The following DGKI variants were observed in gnomAD, a reference collection of about 807,000 sequenced individuals.
The protein encoded by DGKI is diacylglycerol kinase iota.
Under a neutral mutation model 147.5 loss-of-function variants are expected in DGKI, and 55 were observed. That is an observed-to-expected ratio of 0.37 (90% CI 0.30 to 0.47). DGKI has a LOEUF of 0.47. Among genes scored for constraint, DGKI ranks in the 20% least tolerant of loss-of-function variants. The probability of loss-of-function intolerance (pLI) is 1.00; values close to 1 mark genes in which losing one functional copy is unlikely to be tolerated. For synonymous variants in DGKI, 469 were observed against 477.1 expected (o/e 0.98, Z 0.22); for missense variants, 1,007 against 1,323.8 (o/e 0.76, Z 3.71).
intron 12 of DGKI, among the ~76,000 whole-genome samples, chr7:137,596,986 T>C (rs550307442): frequency 8.1e-4 from 124 of 152,320 alleles, no homozygotes; most frequent in African/African-American, 2.9e-3. Flanking sequence ...ACAATCTAAA[T>C]GTCATGATTC....
chr7:137,393,643 C>G (rs1211814423), intron 32 of DGKI, among the ~76,000 whole-genome samples: 2 of 152,210 alleles, frequency 1.3e-5, no homozygotes, highest in Admixed American at 1.3e-4. Context: ...ACCACAATTA[C>G]TTTTACACCA....
At chr7:137,623,208 A>C (rs915125185) in intron 7 of DGKI, among the ~76,000 whole-genome samples, 1 of 152,212 alleles carries the variant, frequency 6.6e-6, no homozygotes, top group African/African-American at 2.4e-5. Context: ...CTCTAGACCC[A>C]GTGTTAGAAT....
chr7:137,508,740 T>A (rs1342218924), intron 21 of DGKI, among the ~76,000 whole-genome samples: 1 of 152,012 alleles, frequency 6.6e-6, no homozygotes, highest in Non-Finnish European at 1.5e-5. Context: ...AGAGCCCCTC[T>A]CTCTCAGGCT....
chr7:137,846,323 G>A lies in DGKI; in HGVS notation c.401+139C>T, dbSNP rs1798727482. 1.9e-6 allele frequency: 1 copy of A among 520,106 alleles called. No homozygotes were observed. The highest frequency in any genetic ancestry group is 3.3e-6 in the Non-Finnish European group (1 of 298,872). 32.2% of individuals were successfully genotyped at this position (520,106 alleles called of 1,614,324 possible). A position where few individuals can be genotyped will look rare whatever the true frequency, so the allele number is the denominator to read the frequency against. The stretch of plus-strand genomic sequence containing the variant: ...GGATGGGGAGAAGACAGACATCCCC[G>A]GGAGGAGAGGGGGAAAGGGGGAAGG... On this transcript the variant is annotated intron_variant, in intron 1 of 32. Transcript: ENST00000614521. The surrounding 1 kb of genome is among the most constrained non-coding windows in gnomAD (Gnocchi z 4.0).
Position 137,395,603 on chromosome 7 carries a change from A to C in DGKI, c.3052T>G (p.Ser1018Ala), listed in dbSNP as rs1363800743. 1.2e-6 allele frequency: 2 copies of C among 1,614,060 alleles called. No individual in the cohort carries two copies. Among genetic ancestry groups the C allele is most frequent in the Admixed American group, 1.7e-5 (1 of 60,032 alleles). ...DAGASLRKTDSKGKTPQERAQ... is the reference protein window; with the variant it reads ...DAGASLRKTDAKGKTPQERAQ... ...GCACTCACTCATCGAGTTACCTTGG[A>C]GTCCGTCTTTCTCAGAGATGCTCCT... Residue 1018 changes from serine to alanine, a missense_variant, in exon 32 of 33, where the codon TCC (serine) becomes GCC (alanine). Physicochemically the swap from Ser to Ala is moderately conservative, Grantham distance 99. Transcript: ENST00000614521.
chr7:137,722,537 TTCC>T, intron 1 of DGKI: 1 of 1,607,248 alleles, frequency 6.2e-7, no homozygotes, highest in East Asian at 2.2e-5. Flanking sequence ...CTCAATCGAG[TTCC>T]TCTACGAAGA....
At chr7:137,811,384 TCACACACACACACA>T (rs55647700) in intron 1 of DGKI, among the ~76,000 whole-genome samples, 7 of 132,204 alleles carry the variant, frequency 5.3e-5, no homozygotes, top group Admixed American at 2.3e-4. Flanking sequence ...TCTCTCTCTC[TCACACACACACACA>T]CACACACACA....
chr7:137,845,850 C>T (rs1585563958), intron 1 of DGKI, among the ~76,000 whole-genome samples: 2 of 152,124 alleles, frequency 1.3e-5, no homozygotes, highest in Non-Finnish European at 2.9e-5. Flanking sequence ...AGGCATGGAG[C>T]CCCCATAACC....
intron 6 of DGKI, among the ~76,000 whole-genome samples, chr7:137,626,835 AC>A (rs1820961317): frequency 6.6e-6 from 1 of 151,374 alleles, no homozygotes; most frequent in Non-Finnish European, 1.5e-5. Context: ...TTTATTCCTC[AC>A]TCTATCCTGG....
intron 2 of DGKI, among the ~76,000 whole-genome samples, chr7:137,680,516 A>T (rs902706569): frequency 7.9e-5 from 12 of 152,184 alleles, no homozygotes; most frequent in African/African-American, 2.9e-4. Flanking sequence ...GCAGTGGCTC[A>T]TGCCTGTAAT....
intron 15 of DGKI, among the ~76,000 whole-genome samples, chr7:137,579,436 TA>T (rs71533758): frequency 0.023 from 2,476 of 108,066 alleles, 19 homozygotes; most frequent in Non-Finnish European, 0.03. Context: ...ACAGAAACAG[TA>T]AAAAAAAAAA....
chr7:137,655,731 A>G (rs1822194665), intron 4 of DGKI, among the ~76,000 whole-genome samples: 1 of 152,246 alleles, frequency 6.6e-6, no homozygotes, highest in African/African-American at 2.4e-5. Flanking sequence ...GTGAAACTAC[A>G]TGAATGTCAT....
intron 21 of DGKI, among the ~76,000 whole-genome samples, chr7:137,517,188 A>AAAAAGAAAAGAAAAG (rs900401966): frequency 1.3e-5 from 2 of 150,512 alleles, no homozygotes; most frequent in Non-Finnish European, 3.0e-5. Context: ...AGGTCATAAG[A>AAAAAGAAAAGAAAAG]AAAAGAAAAG....
intron 20 of DGKI, among the ~76,000 whole-genome samples, chr7:137,526,964 A>G (rs930597710): frequency 9.2e-5 from 14 of 152,162 alleles, no homozygotes; most frequent in Non-Finnish European, 1.9e-4. Flanking sequence ...GTCACTTTTA[A>G]ACCACGGACT....
At chr7:137,561,375 A>C in intron 19 of DGKI, among the ~76,000 whole-genome samples, 1 of 152,202 alleles carries the variant, frequency 6.6e-6, no homozygotes, top group East Asian at 1.9e-4. Flanking sequence ...AGTTGATCTC[A>C]CAGAAGTAAA....
At position 137,729,935 on chromosome 7, in the gene DGKI, T is replaced by C. The variant is rs187204799; in HGVS notation, c.402-39933A>G. ...GACACTGATCAAACGTAGTGGTTTC[T>C]ACCAACACTGTGTTGACAGACGCCT... On this transcript the variant is annotated intron_variant, in intron 1 of 32. Transcript: ENST00000614521. Among the ~76,000 whole-genome samples the C allele has an allele frequency of 2.6e-5, 4 of 152,284 alleles. No individual in the cohort carries two copies. The East Asian group carries it at 5.8e-4, about 22-fold the overall frequency.
At chr7:137,766,236 A>T (rs987582813) in intron 1 of DGKI, among the ~76,000 whole-genome samples, 2 of 152,232 alleles carry the variant, frequency 1.3e-5, no homozygotes, top group African/African-American at 4.8e-5. Flanking sequence ...CTCCAGCCTA[A>T]CAGGAAAATG....
At chr7:137,425,508 G>A (rs1457492550) in intron 28 of DGKI, among the ~76,000 whole-genome samples, 1 of 152,202 alleles carries the variant, frequency 6.6e-6, no homozygotes, top group Non-Finnish European at 1.5e-5. Flanking sequence ...TCCTCCAAAG[G>A]AATGCAGTTC....
chr7:137,426,895 T>C (rs1474130965), intron 28 of DGKI, among the ~76,000 whole-genome samples: 2 of 152,114 alleles, frequency 1.3e-5, no homozygotes, highest in Non-Finnish European at 2.9e-5. Context: ...CCCAGATTCA[T>C]AAAGCAAGTC....
Sources: allele counts gnomAD v4.1 joint callset (sites outside exome capture counted in the v4.1 genomes callset), GRCh38; gene constraint gnomAD v4.1.1; non-coding constraint Gnocchi (gnomAD v3.1); transcripts MANE v1.5; gene names NCBI Gene and HGNC (gene_info 2026-07-23, HGNC 2026-07-21).